ZFPM2: variants seen among roughly 807,000 people sequenced by gnomAD.
ZFPM2 encodes the protein zinc finger protein, FOG family member 2.
In ZFPM2, 20 loss-of-function variants were observed where a neutral mutation model predicts 98.6. That is an observed-to-expected ratio of 0.20 (90% CI 0.14 to 0.29). The LOEUF is 0.29. ZFPM2 is among the 10% of genes least tolerant of loss of function. The pLI, the probability that ZFPM2 is intolerant of heterozygous loss-of-function variation, is 1.00. For missense variants in ZFPM2, 1,310 were observed against 1,388.6 expected, an observed-to-expected ratio of 0.94 and a Z score of 0.90; for synonymous variants, 518 against 502.7, an observed-to-expected ratio of 1.03 and a Z score of -0.41.
At chr8:105,336,222 A>T (rs1812322781) in intron 1 of ZFPM2, among the ~76,000 whole-genome samples, 1 of 151,552 alleles carries the variant, frequency 6.6e-6, no homozygotes, top group African/African-American at 2.4e-5. Flanking sequence ...TTAATCCGTG[A>T]CTCAGTTTCC....
chr8:105,363,127 A>G (rs1020708892), intron 1 of ZFPM2, among the ~76,000 whole-genome samples: 4 of 152,162 alleles, frequency 2.6e-5, no homozygotes, highest in Admixed American at 2.6e-4. Flanking sequence ...GGACTACATG[A>G]ATATTGCATG....
At chr8:105,704,161 T>C (rs1011039105) in intron 5 of ZFPM2, among the ~76,000 whole-genome samples, 1 of 152,166 alleles carries the variant, frequency 6.6e-6, no homozygotes, top group Admixed American at 6.6e-5. Flanking sequence ...GACTAAGTTC[T>C]GAACCTGCTA....
In ZFPM2 at chr8:105,644,673, T is replaced by C. The variant is rs373445807; in HGVS notation, c.532+10316T>C. ...AACAATAAATATTTATTTCTCATGA[T>C]TCCGGAGACTGGGAAGTCCATGATT... On this transcript the variant is annotated intron_variant, in intron 5 of 7. Transcript: ENST00000407775. Among the ~76,000 whole-genome samples the C allele has an allele frequency of 1.8e-4, 28 of 152,292 alleles. No homozygotes were observed. In the East Asian group the frequency reaches 4.2e-3, roughly 23 times the overall value.
intron 5 of ZFPM2, among the ~76,000 whole-genome samples, chr8:105,702,100 A>C (rs1449839641): frequency 1.3e-5 from 2 of 152,232 alleles, no homozygotes; most frequent in Non-Finnish European, 2.9e-5. Flanking sequence ...AATGTGGTTC[A>C]TTATTTGACA....
At chr8:105,700,382 T>A (rs1811114555) in intron 5 of ZFPM2, among the ~76,000 whole-genome samples, 1 of 152,224 alleles carries the variant, frequency 6.6e-6, no homozygotes, top group African/African-American at 2.4e-5. Context: ...TATGTACAAG[T>A]CTAGTTTCCA....
chr8:105,743,122 C>T (rs1387387558), intron 5 of ZFPM2, among the ~76,000 whole-genome samples: 2 of 151,908 alleles, frequency 1.3e-5, no homozygotes, highest in Non-Finnish European at 2.9e-5. Flanking sequence ...AAAACGATTC[C>T]CCTTTCAGGT....
chr8:105,351,353 T>TCG (rs1554596820), intron 1 of ZFPM2, among the ~76,000 whole-genome samples: 2 of 74,082 alleles, frequency 2.7e-5, no homozygotes, highest in East Asian at 8.9e-4. Flanking sequence ...TTGCATTATT[T>TCG]CGTGTGTGTG....
At chr8:105,438,503 C>G (rs149592397) in intron 2 of ZFPM2, among the ~76,000 whole-genome samples, 1 of 152,142 alleles carries the variant, frequency 6.6e-6, no homozygotes, top group African/African-American at 2.4e-5. Context: ...TCTGATTACT[C>G]GGCAATGTAT....
In ZFPM2 at chr8:105,700,927, A is replaced by AT. The variant is rs1014597832; in HGVS notation, c.532+66576dup. ...TTCTAATATGACACCACATTTTTAA[A>AT]TTTTTTAAATTACATTTTGTTTTTG... On this transcript the variant is annotated intron_variant, in intron 5 of 7. Transcript: ENST00000407775. Among the ~76,000 whole-genome samples, 13 of 152,146 alleles carry AT rather than the reference A, an allele frequency of 8.5e-5. No homozygotes were observed. In the South Asian group the frequency reaches 2.3e-3, roughly 27 times the overall value.
At chr8:105,380,260 A>C (rs892575827) in intron 1 of ZFPM2, among the ~76,000 whole-genome samples, 1 of 152,066 alleles carries the variant, frequency 6.6e-6, no homozygotes, top group Non-Finnish European at 1.5e-5. Flanking sequence ...TAAGATGCTG[A>C]TTATAGCCTA....
At chr8:105,521,186 TC>T (rs1216003666) in intron 3 of ZFPM2, among the ~76,000 whole-genome samples, 1 of 147,118 alleles carries the variant, frequency 6.8e-6, no homozygotes, top group African/African-American at 2.5e-5. Context: ...CATGCACACC[TC>T]CCCCCCATAC....
chr8:105,444,363 G>C lies in ZFPM2; in HGVS notation c.283G>C (p.Asp95His). The C allele has an allele frequency of 6.2e-7, 1 of 1,611,894 alleles. No homozygotes were observed. Among genetic ancestry groups the C allele is most frequent in the East Asian group, 2.2e-5 (1 of 44,828 alleles). Residue 95 changes from aspartate to histidine, a missense_variant, in exon 3 of 8, where the codon GAC becomes CAC. By Grantham distance (81) the Asp-to-His change is moderately conservative. Coordinates refer to ENST00000407775, the MANE Select transcript of ZFPM2 (RefSeq NM_012082.4). Reference protein sequence around the residue: ...EKPGQPGVETDDWDGPGELEV... With the variant: ...EKPGQPGVETHDWDGPGELEV... ...ACCGGGGCAACCTGGAGTTGAGACA[G>C]ACGACTGGGATGGACCAGGTAGGGG...
intron 3 of ZFPM2, among the ~76,000 whole-genome samples, chr8:105,509,038 T>A (rs1254524924): frequency 6.6e-6 from 1 of 152,028 alleles, no homozygotes; most frequent in East Asian, 1.9e-4. Flanking sequence ...AGCGGTGCAG[T>A]AGAGCGCCGG....
rs367893066 is a variant in ZFPM2, at chr8:105,802,675, A to G, written c.2593A>G (p.Lys865Glu). Reference protein sequence around the residue: ...ECTVCKISFNKVENYLAHKQN... With the variant: ...ECTVCKISFNEVENYLAHKQN... Reference sequence around the variant, plus strand: ...CACTGTGTGCAAGATCAGTTTCAATAAGGTAGAAAACTATCTGGCCCACAA... The same window carrying G: ...CACTGTGTGCAAGATCAGTTTCAATGAGGTAGAAAACTATCTGGCCCACAA... The change falls in exon 8 of 8, where the codon AAG becomes GAG. Residue 865 changes from lysine (K) to glutamate (E), a missense_variant. Physicochemically the swap from Lys to Glu is moderately conservative, Grantham distance 56 (BLOSUM62 1). Coordinates refer to ENST00000407775, the MANE Select transcript of ZFPM2 (RefSeq NM_012082.4). 199 of 1,611,046 alleles carry G rather than the reference A, an allele frequency of 1.2e-4. No homozygotes were observed. Among genetic ancestry groups the G allele is most frequent in the Non-Finnish European group, 1.6e-4 (187 of 1,178,656 alleles).
chr8:105,686,784 G>A (rs1315479132), intron 5 of ZFPM2, among the ~76,000 whole-genome samples: 1 of 152,228 alleles, frequency 6.6e-6, no homozygotes, highest in South Asian at 2.1e-4. Flanking sequence ...CCTAGACAAG[G>A]CTTAGCTTTA....
intron 1 of ZFPM2, among the ~76,000 whole-genome samples, chr8:105,379,068 T>C (rs1227228028): frequency 6.6e-6 from 1 of 152,206 alleles, no homozygotes; most frequent in African/African-American, 2.4e-5. Context: ...CCTGTGAAGA[T>C]AACAATATGT....
At chr8:105,328,721 G>A (rs1191301032) in intron 1 of ZFPM2, among the ~76,000 whole-genome samples, 3 of 151,686 alleles carry the variant, frequency 2.0e-5, no homozygotes. Flanking sequence ...TTTGTATTGT[G>A]CACACTTACC....
At chr8:105,355,938 A>C (rs1235303829) in intron 1 of ZFPM2, among the ~76,000 whole-genome samples, 1 of 152,248 alleles carries the variant, frequency 6.6e-6, no homozygotes, top group Non-Finnish European at 1.5e-5. Flanking sequence ...TGCTTCTTGT[A>C]CTGAAAGTAT....
At chr8:105,382,812 T>A (rs77966246) in intron 1 of ZFPM2, among the ~76,000 whole-genome samples, 3,112 of 152,164 alleles carry the variant, frequency 0.02, 96 homozygotes, top group African/African-American at 0.071. Flanking sequence ...TTAGAAATAA[T>A]TATGGGACTT....
Sources: gnomAD v4.1 joint callset for allele counts (sites outside exome capture counted in the v4.1 genomes callset) on GRCh38, gnomAD v4.1.1 for gene constraint, MANE v1.5 for transcripts, NCBI Gene and HGNC (gene_info 2026-07-23, HGNC 2026-07-21) for gene names.